The following MGAT4A variants were observed in gnomAD, a reference collection of about 807,000 sequenced individuals.
MGAT4A encodes alpha-1,3-mannosyl-glycoprotein 4-beta-N-acetylglucosaminyltransferase A.
MGAT4A carries 33 observed loss-of-function variants against 74.1 expected under a neutral mutation model. That is an observed-to-expected ratio of 0.45 (90% CI 0.34 to 0.60). The LOEUF (loss-of-function observed/expected upper bound fraction) is 0.60, where lower values mean the gene tolerates loss of function less well. Ranked by LOEUF, MGAT4A falls within the 20% of genes least tolerant of loss-of-function variation. The pLI is 0.02. For synonymous variants in MGAT4A, 198 were observed against 210.4 expected, an observed-to-expected ratio of 0.94 and a Z score of 0.51; for missense variants, 479 against 628.3, an observed-to-expected ratio of 0.76 and a Z score of 2.54.
Position 98,625,317 on chromosome 2 carries a change from A to T in MGAT4A, c.*249T>A, listed in dbSNP as rs1401145450. ...TTATGTATTAGTATAATACCAAAAT[A>T]GTACAAGTCATATTAACAGGCTGTC... On this transcript the variant is annotated 3_prime_UTR_variant, in exon 16 of 16. Coordinates refer to ENST00000393487, the MANE Select transcript of MGAT4A (RefSeq NM_012214.3). 6.4e-6 allele frequency: 8 copies of T among 1,249,200 alleles called. No individual in the cohort carries two copies. The East Asian group carries it at 2.7e-4, about 42-fold the overall frequency. 77.4% of individuals were successfully genotyped at this position (1,249,200 alleles called of 1,614,324 possible). A position where few individuals can be genotyped will look rare whatever the true frequency, so the allele number is the denominator to read the frequency against.
At position 98,625,258 on chromosome 2, in the gene MGAT4A, T is replaced by C; in HGVS notation, c.*308A>G. 1.0e-6 allele frequency: 1 copy of C among 974,028 alleles called. No homozygotes were observed. The highest frequency in any genetic ancestry group is 1.2e-6 in the Non-Finnish European group (1 of 801,830). 60.3% of individuals were successfully genotyped at this position (974,028 alleles called of 1,614,324 possible). The stretch of plus-strand genomic sequence containing the variant: ...AAAATGTATGTAACATTAGTTTTTC[T>C]CAAATTTAAAGAATGTAACAATATG... On this transcript the variant is annotated 3_prime_UTR_variant, in exon 16 of 16. Transcript: ENST00000393487.
At chr2:98,664,200 CAAAAAAAAAAAA>C (rs57981145) in intron 4 of MGAT4A, among the ~76,000 whole-genome samples, 2,177 of 51,468 alleles carry the variant, frequency 0.042, 29 homozygotes, top group Admixed American at 0.065. Context: ...GATTCCATCT[CAAAAAAAAAAAA>C]AAAAAAAAAA....
chr2:98,710,746 G>C (rs1173670896), intron 2 of MGAT4A, among the ~76,000 whole-genome samples: 1 of 152,208 alleles, frequency 6.6e-6, no homozygotes, highest in East Asian at 1.9e-4. Flanking sequence ...ACAGGCGTGA[G>C]CTACTGTGCC....
intron 2 of MGAT4A, among the ~76,000 whole-genome samples, chr2:98,710,033 T>C (rs757963404): frequency 6.6e-5 from 10 of 151,870 alleles, no homozygotes; most frequent in Non-Finnish European, 8.8e-5. Context: ...ACTGGTTAAA[T>C]TGGAAAAAAA....
At chr2:98,650,944 T>C (rs559698481) in intron 8 of MGAT4A, among the ~76,000 whole-genome samples, 144 of 150,878 alleles carry the variant, frequency 9.5e-4, no homozygotes, top group African/African-American at 3.3e-3. Context: ...CAAGACTCCA[T>C]CTCAAAAAAA....
chr2:98,704,862 G>GT (rs1370029587), intron 2 of MGAT4A, among the ~76,000 whole-genome samples: 1 of 152,110 alleles, frequency 6.6e-6, no homozygotes. Flanking sequence ...TGTTATTGCA[G>GT]TAGTTTATGT....
At chr2:98,703,036 T>C (rs62158020) in intron 2 of MGAT4A, among the ~76,000 whole-genome samples, 46,903 of 152,100 alleles carry the variant, frequency 0.31, 7,709 homozygotes, top group Non-Finnish European at 0.37. Flanking sequence ...AATAAAATTC[T>C]GGCAGTCAGT....
intron 12 of MGAT4A, among the ~76,000 whole-genome samples, chr2:98,636,865 AT>A (rs1289190154): frequency 2.6e-5 from 4 of 152,308 alleles, no homozygotes; most frequent in African/African-American, 9.6e-5. Flanking sequence ...GTACCTAGAT[AT>A]TTTCAAAAAG....
In MGAT4A at chr2:98,671,609, G is replaced by A. The variant is rs1037437224; in HGVS notation, c.403+3426C>T. Among the ~76,000 whole-genome samples, 11 of 152,030 alleles carry A rather than the reference G, an allele frequency of 7.2e-5. No homozygotes were observed. In the South Asian group the frequency reaches 8.3e-4, roughly 11 times the overall value. ...ACAGGACTTTTGTGGTGCTCTTTCC[G>A]TCTTCTGGAATATTCTTTTTTTCCC... On this transcript the variant is annotated intron_variant, in intron 4 of 15. Coordinates refer to ENST00000393487, the MANE Select transcript of MGAT4A (RefSeq NM_012214.3).
intron 14 of MGAT4A, among the ~76,000 whole-genome samples, chr2:98,631,992 C>A (rs570238683): frequency 6.6e-6 from 1 of 152,094 alleles, no homozygotes; most frequent in South Asian, 2.1e-4. Context: ...CGCCTGTAAT[C>A]CCAGGTACTC....
At chr2:98,641,559 C>T (rs1259809564) in intron 10 of MGAT4A, among the ~76,000 whole-genome samples, 2 of 151,412 alleles carry the variant, frequency 1.3e-5, no homozygotes, top group Non-Finnish European at 2.9e-5. Flanking sequence ...GCCTGTAGTC[C>T]CAGCTATGCA....
At chr2:98,656,551 C>A (rs1701665119) in intron 6 of MGAT4A, 86 bp from the exon 7 acceptor site, 1 of 846,856 alleles carries the variant, frequency 1.2e-6, no homozygotes, top group African/African-American at 1.7e-5. Flanking sequence ...TAACATAAAA[C>A]ACATCAGTAA....
chr2:98,621,922 TCC>T lies in MGAT4A; in HGVS notation c.*3642_*3643del. ...CTTTGTTCAAGGGTATTCAACCATC[TCC>T]AATTGTTGAACAAATACACACATAC... On this transcript the variant is annotated 3_prime_UTR_variant, in exon 16 of 16. Transcript: ENST00000393487. 5 of 996,918 alleles carry T rather than the reference TCC, an allele frequency of 5.0e-6. No individual in the cohort carries two copies. The highest frequency in any genetic ancestry group is 6.0e-6 in the Non-Finnish European group (5 of 837,204). The allele number at this position is 996,918 out of a possible 1,614,324, so 61.8% of individuals were successfully genotyped here.
chr2:98,642,498 T>C (rs376410670), intron 10 of MGAT4A, among the ~76,000 whole-genome samples: 1 of 152,226 alleles, frequency 6.6e-6, no homozygotes, highest in African/African-American at 2.4e-5. Flanking sequence ...CAAAAGTTCA[T>C]GTACCCAAAT....
intron 4 of MGAT4A, chr2:98,663,437 G>A: frequency 6.7e-7 from 1 of 1,486,072 alleles, no homozygotes; most frequent in South Asian, 1.4e-5. Context: ...AAAATGAATG[G>A]CTGCGAAGTA....
At chr2:98,710,759 G>A (rs1274103697) in intron 2 of MGAT4A, among the ~76,000 whole-genome samples, 1 of 152,204 alleles carries the variant, frequency 6.6e-6, no homozygotes, top group African/African-American at 2.4e-5. Context: ...ACTGTGCCCA[G>A]TAATTTTTTT....
intron 2 of MGAT4A, among the ~76,000 whole-genome samples, chr2:98,680,056 T>C (rs1230677496): frequency 6.6e-6 from 1 of 151,392 alleles, no homozygotes; most frequent in East Asian, 1.9e-4. Context: ...TTTTTTTTTT[T>C]CTGAGACAGA....
chr2:98,684,585 G>T (rs1018750175), intron 2 of MGAT4A, among the ~76,000 whole-genome samples: 1 of 152,158 alleles, frequency 6.6e-6, no homozygotes, highest in Non-Finnish European at 1.5e-5. Context: ...GGCTTTCAAA[G>T]ACTTACAAGG....
chr2:98,692,295 G>A (rs1488343295), intron 2 of MGAT4A, among the ~76,000 whole-genome samples: 1 of 151,764 alleles, frequency 6.6e-6, no homozygotes, highest in Non-Finnish European at 1.5e-5. Flanking sequence ...GTAGAGACAG[G>A]GTCTCACTAT....
Sources: allele counts gnomAD v4.1 joint callset (sites outside exome capture counted in the v4.1 genomes callset), GRCh38; gene constraint gnomAD v4.1.1; transcripts MANE v1.5; gene names NCBI Gene and HGNC (gene_info 2026-07-23, HGNC 2026-07-21).